Variants in FBXO2 observed in about 807,000 individuals in gnomAD.
The protein encoded by FBXO2 is F-box protein 2, also known as F-box only protein 2.
FBXO2 carries 32 observed loss-of-function variants against 38.6 expected under a neutral mutation model. The observed-to-expected ratio is 0.83, with a 90% CI of 0.62 to 1.11. The LOEUF is 1.11. Ranked by LOEUF, FBXO2 falls within the 50% of genes most tolerant of loss-of-function variation. FBXO2 has a pLI of 0.00. For synonymous variants in FBXO2, 189 were observed against 182.9 expected, an observed-to-expected ratio of 1.03 and a Z score of -0.27; for missense variants, 450 against 418.3, an observed-to-expected ratio of 1.08 and a Z score of -0.66.
chr1:11,652,269 T>C lies in FBXO2; in HGVS notation c.23-1435A>G, dbSNP rs932311311. 8.5e-5 allele frequency among the ~76,000 whole-genome samples: 13 copies of C among 152,114 alleles called. 1 individual carries two copies. The highest frequency in any genetic ancestry group is 4.6e-4 in the Admixed American group (7 of 15,270). On this transcript the variant is annotated intron_variant, in intron 1 of 5. Coordinates refer to ENST00000354287, the MANE Select transcript of FBXO2 (RefSeq NM_012168.6). ...GGAGAACAGAGCCTGGAGACCCAGCTGTCCCCAGCTATTGTGTGACTTGGG... is the reference window on the plus strand; with the variant it reads ...GGAGAACAGAGCCTGGAGACCCAGCCGTCCCCAGCTATTGTGTGACTTGGG...
intron 1 of FBXO2, among the ~76,000 whole-genome samples, chr1:11,653,109 A>G (rs1883575): frequency 0.59 from 89,105 of 152,004 alleles, 26,688 homozygotes; most frequent in African/African-American, 0.69. Flanking sequence ...AAGTCACATC[A>G]CCTGCCCAGG....
Position 11,654,314 on chromosome 1 carries a change from G to C in FBXO2, c.22+5C>G. 1 of 1,472,668 alleles carries C rather than the reference G, an allele frequency of 6.8e-7. No individual in the cohort carries two copies. The highest frequency in any genetic ancestry group is 8.9e-7 in the Non-Finnish European group (1 of 1,118,628). 91.2% of individuals were successfully genotyped at this position (1,472,668 alleles called of 1,614,324 possible). ...GCCGCAGCGAGCGGTCCAGGCGTCG[G>C]CTACCTGGGTCACCGTCTCCGTCCA... On this transcript the variant is annotated splice_donor_5th_base_variant and intron_variant, in intron 1 of 5. Transcript: ENST00000354287.
chr1:11,654,266 C>T, intron 1 of FBXO2, 53 bp downstream of exon 1: 1 of 1,485,010 alleles, frequency 6.7e-7, no homozygotes, highest in Admixed American at 2.3e-5. Context: ...AGCGCTCGCC[C>T]GCCGACCCCA....
rs778955384 is a variant in FBXO2 at position 11,648,673 on chromosome 1, G to C, written c.*21C>G. ...ACCTTTGCCCCTCCAGGCAGCTGGG[G>C]GAGAGTGGAGGCAGGGTCGCTCAGG... On this transcript the variant is annotated 3_prime_UTR_variant, in exon 6 of 6. Coordinates refer to ENST00000354287, the MANE Select transcript of FBXO2 (RefSeq NM_012168.6). This position sits in a 1 kb window ranked among gnomAD's most constrained non-coding sequence, Gnocchi z 4.2. The C allele has an allele frequency of 2.5e-6, 4 of 1,612,034 alleles. No individual in the cohort carries two copies. The African/African-American group carries it at 5.3e-5, about 22-fold the overall frequency.
In FBXO2 at chr1:11,654,399, G is replaced by C. The variant is rs903652312; in HGVS notation, c.-59C>G. The C allele has an allele frequency of 2.2e-6, 3 of 1,333,962 alleles. No individual in the cohort carries two copies. The highest frequency in any genetic ancestry group is 2.9e-6 in the Non-Finnish European group (3 of 1,044,270). 82.6% of individuals were successfully genotyped at this position (1,333,962 alleles called of 1,614,324 possible). On this transcript the variant is annotated 5_prime_UTR_variant, in exon 1 of 6. Transcript: ENST00000354287. ...GAGCGCTGCGGGCTGCGCGAGTCCC[G>C]GGGCGGCGAGTCCCGGCGCTGTCCG...
chr1:11,652,524 C>T (rs773585222), intron 1 of FBXO2, among the ~76,000 whole-genome samples: 21 of 152,216 alleles, frequency 1.4e-4, no homozygotes, highest in South Asian at 2.1e-4. Flanking sequence ...GATGTCACCG[C>T]GGCAGCCGGA....
chr1:11,649,005 G>GCCCAA, intron 5 of FBXO2, 82 bp downstream of exon 5: 1 of 1,357,746 alleles, frequency 7.4e-7, no homozygotes, highest in Non-Finnish European at 1.0e-6. Context: ...CCCCAGCCCA[G>GCCCAA]GAGCGCTGTG....
rs773916207 is a variant in FBXO2 at position 11,648,789 on chromosome 1, A to T, written c.796T>A (p.Phe266Ile). ...TGCCCCCCGTGCTCGAAGCGGACGA[A>T]GCGGACGCCCGGCCCGTAGTCGGTG... ...TFTDYGPGVR[F>I]VRFEHGGQDS... Residue 266 changes from phenylalanine to isoleucine, a missense_variant, in exon 6 of 6, where the codon TTC (phenylalanine) becomes ATC (isoleucine). Coordinates refer to ENST00000354287, the MANE Select transcript of FBXO2 (RefSeq NM_012168.6). The surrounding 1 kb of genome is among the most constrained non-coding windows in gnomAD (Gnocchi z 4.2). The T allele has an allele frequency of 6.2e-7, 1 of 1,613,730 alleles. No individual in the cohort carries two copies. The highest frequency in any genetic ancestry group is 1.1e-5 in the South Asian group (1 of 91,074).
Position 11,648,995 on chromosome 1 carries a change from C to CCTAG in FBXO2, c.756+91_756+92insCTAG. 1 of 1,349,028 alleles carries CCTAG rather than the reference C, an allele frequency of 7.4e-7. No individual in the cohort carries two copies. Among genetic ancestry groups the CCTAG allele is most frequent in the Non-Finnish European group, 1.0e-6 (1 of 981,500 alleles). 83.6% of individuals were successfully genotyped at this position (1,349,028 alleles called of 1,614,324 possible). ...TCTCAGCCCAGCCCAGCCCAGCCCA[C>CCTAG]CCCAGCCCAGGAGCGCTGTGGGCGG... On this transcript the variant is annotated intron_variant, in intron 5 of 5. Transcript: ENST00000354287. This position sits in a 1 kb window ranked among gnomAD's most constrained non-coding sequence, Gnocchi z 4.2.
chr1:11,649,225 C>T lies in FBXO2; in HGVS notation c.618G>A (p.Trp206Ter), dbSNP rs1331751466. 6.6e-7 allele frequency: 1 copy of T among 1,512,262 alleles called. No individual in the cohort carries two copies. Among genetic ancestry groups the T allele is most frequent in the Non-Finnish European group, 8.9e-7 (1 of 1,123,324 alleles). The allele number at this position is 1,512,262 out of a possible 1,614,324, so 93.7% of individuals were successfully genotyped here. ...AACCAGCGTCGCTGCGGCCCGAGTA[C>T]CTGCTCAGAGGGAGGGAGCGAGGTG... ...TTQPAIVVKD[W>*]YSGRSDAGCL... Residue 206 changes from tryptophan to a stop codon, truncating the protein, a stop_gained and splice_region_variant, in exon 5 of 6, where the codon TGG becomes TGA. Transcript: ENST00000354287. LOFTEE classifies it high-confidence loss of function.
At chr1:11,649,695 C>G (rs1639479845) in intron 4 of FBXO2, 84 bp downstream of exon 4, 3 of 1,447,256 alleles carry the variant, frequency 2.1e-6, no homozygotes, top group African/African-American at 2.8e-5. Flanking sequence ...AGGCAGCACC[C>G]CCAGGCGGGG....
In FBXO2 at chr1:11,648,977, C is replaced by A; in HGVS notation, c.756+110G>T. ...TCCACCACCCGGTGACTATCTCAGCCCAGCCCAGCCCAGCCCACCCCAGCC... is the reference window on the plus strand; with the variant it reads ...TCCACCACCCGGTGACTATCTCAGCACAGCCCAGCCCAGCCCACCCCAGCC... On this transcript the variant is annotated intron_variant, in intron 5 of 5. Coordinates refer to ENST00000354287, the MANE Select transcript of FBXO2 (RefSeq NM_012168.6). The surrounding 1 kb of genome is among the most constrained non-coding windows in gnomAD (Gnocchi z 4.2). The A allele has an allele frequency of 7.6e-7, 1 of 1,314,176 alleles. No homozygotes were observed. Among genetic ancestry groups the A allele is most frequent in the South Asian group, 1.4e-5 (1 of 73,000 alleles). The allele number at this position is 1,314,176 out of a possible 1,614,324, so 81.4% of individuals were successfully genotyped here.
chr1:11,649,701 CG>C lies in FBXO2; in HGVS notation c.617+77del, dbSNP rs1384659942. The C allele has an allele frequency of 4.9e-4, 721 of 1,476,768 alleles. 5 individuals carry two copies. The highest frequency in any genetic ancestry group is 2.2e-4 in the Middle Eastern group (1 of 4,478). The allele number at this position is 1,476,768 out of a possible 1,614,324, so 91.5% of individuals were successfully genotyped here. A position where few individuals can be genotyped will look rare whatever the true frequency, so the allele number is the denominator to read the frequency against. On this transcript the variant is annotated intron_variant, in intron 4 of 5. Transcript: ENST00000354287. ...GCAGTGGGGAGGCAGCACCCCCAGG[CG>C]GGGGGTTCCCCAGCTGGCTCTCCCC...
intron 1 of FBXO2, among the ~76,000 whole-genome samples, chr1:11,652,819 T>G (rs918551871): frequency 2.6e-5 from 4 of 152,154 alleles, no homozygotes; most frequent in Non-Finnish European, 5.9e-5. Flanking sequence ...AACCTCCTCA[T>G]ATGCAGCCTC....
At position 11,648,937 on chromosome 1, in the gene FBXO2, G is replaced by A; in HGVS notation, c.757-109C>T. The A allele has an allele frequency of 2.0e-6, 3 of 1,528,070 alleles. No individual in the cohort carries two copies. Among genetic ancestry groups the A allele is most frequent in the Non-Finnish European group, 2.7e-6 (3 of 1,123,594 alleles). 94.7% of individuals were successfully genotyped at this position (1,528,070 alleles called of 1,614,324 possible). On this transcript the variant is annotated intron_variant, in intron 5 of 5. Coordinates refer to ENST00000354287, the MANE Select transcript of FBXO2 (RefSeq NM_012168.6). This position sits in a 1 kb window ranked among gnomAD's most constrained non-coding sequence, Gnocchi z 4.2. ...AGCTCCCCCACTCGGTTTCTCCGCG[G>A]TATTCAGAACTCTCTCCACCACCCG...
Position 11,648,491 on chromosome 1 carries a change from T to G in FBXO2, c.*203A>C. The G allele has an allele frequency of 1.5e-6, 1 of 661,622 alleles. No individual in the cohort carries two copies. The highest frequency in any genetic ancestry group is 2.8e-5 in the East Asian group (1 of 36,212). The allele number at this position is 661,622 out of a possible 1,614,324, so 41.0% of individuals were successfully genotyped here. Reference sequence around the variant, plus strand: ...CAGTCCAAGCTCACGCCCTCACGGATCTACATTCTAGAAGCCGGCTACCTA... The same window carrying G: ...CAGTCCAAGCTCACGCCCTCACGGAGCTACATTCTAGAAGCCGGCTACCTA... On this transcript the variant is annotated 3_prime_UTR_variant, in exon 6 of 6. Coordinates refer to ENST00000354287, the MANE Select transcript of FBXO2 (RefSeq NM_012168.6). The surrounding 1 kb of genome is among the most constrained non-coding windows in gnomAD (Gnocchi z 4.2).
intron 4 of FBXO2, 31 bp from the exon 5 acceptor site, chr1:11,649,256 C>T (rs746494486): frequency 5.0e-5 from 4 of 80,340 alleles, no homozygotes; most frequent in Non-Finnish European, 9.9e-5. Context: ...AGGTGGGGGG[C>T]GGGAGGTGGG....
intron 1 of FBXO2, among the ~76,000 whole-genome samples, chr1:11,651,737 GCT>G (rs1639524154): frequency 6.7e-6 from 1 of 150,288 alleles, no homozygotes; most frequent in Non-Finnish European, 1.5e-5. Flanking sequence ...AGTCTCGCTT[GCT>G]CTGTCACTGC....
chr1:11,649,406 G>C (rs1222748682), intron 4 of FBXO2, 181 bp from the exon 5 acceptor site: 2 of 630,524 alleles, frequency 3.2e-6, no homozygotes, highest in Non-Finnish European at 5.5e-6. Context: ...AGGCCAGCAA[G>C]AGAAAGTGAC....
Sources: gnomAD v4.1 joint callset for allele counts (sites outside exome capture counted in the v4.1 genomes callset) on GRCh38, gnomAD v4.1.1 for gene constraint, Gnocchi (gnomAD v3.1) non-coding constraint, MANE v1.5 for transcripts, NCBI Gene and HGNC (gene_info 2026-07-23, HGNC 2026-07-21) for gene names.